COL19A1: variants seen among roughly 807,000 people sequenced by gnomAD.
COL19A1 encodes the protein collagen type XIX alpha 1 chain, also known as collagen alpha-1(XIX) chain.
A neutral mutation model predicts 190.2 loss-of-function variants in COL19A1; 159 were observed. The ratio of observed to expected loss-of-function variants is 0.84; its 90% CI spans 0.73 to 0.95. COL19A1 has a LOEUF of 0.95. Ranked by LOEUF, COL19A1 falls within the 40% of genes least tolerant of loss-of-function variation. The pLI is 0.00. For missense variants in COL19A1, 1,418 were observed against 1,431.9 expected (o/e 0.99, Z 0.16); for synonymous variants, 509 against 458.9 (o/e 1.11, Z -1.39).
rs575743834 is a variant in COL19A1, at chr6:70,041,928, T to A, written c.1170+5989T>A. Among the ~76,000 whole-genome samples, 8 of 151,652 alleles carry A rather than the reference T, an allele frequency of 5.3e-5. No homozygotes were observed. In the East Asian group the frequency reaches 1.2e-3, roughly 22 times the overall value. On this transcript the variant is annotated intron_variant, in intron 14 of 50. Coordinates refer to ENST00000620364, the MANE Select transcript of COL19A1 (RefSeq NM_001858.6). ...TAAAAGTAAAAAAAAAATAGCCGGATTTGGTGATGGATGCCTGTAATCCCA... is the reference window on the plus strand; with the variant it reads ...TAAAAGTAAAAAAAAAATAGCCGGAATTGGTGATGGATGCCTGTAATCCCA...
intron 12 of COL19A1, among the ~76,000 whole-genome samples, chr6:70,024,385 TC>T (rs1427193343): frequency 6.6e-6 from 1 of 152,196 alleles, no homozygotes; most frequent in Non-Finnish European, 1.5e-5. Flanking sequence ...TCCCTCGGCT[TC>T]CTTTTCTCAC....
intron 1 of COL19A1, among the ~76,000 whole-genome samples, chr6:69,876,069 G>A (rs919608000): frequency 9.2e-5 from 14 of 152,028 alleles, no homozygotes; most frequent in Non-Finnish European, 1.8e-4. Flanking sequence ...AAGAATTGTC[G>A]GCTATTGGAG....
intron 16 of COL19A1, among the ~76,000 whole-genome samples, chr6:70,111,364 G>A (rs1784276878): frequency 6.6e-6 from 1 of 152,082 alleles, no homozygotes; most frequent in African/African-American, 2.4e-5. Flanking sequence ...CTAAAACATG[G>A]AAGAAAAGTT....
chr6:70,197,730 G>A (rs1453059707), intron 48 of COL19A1, among the ~76,000 whole-genome samples: 1 of 152,118 alleles, frequency 6.6e-6, no homozygotes, highest in Admixed American at 6.5e-5. Context: ...TCACTCCTTG[G>A]GACCAGCATC....
At chr6:70,023,366 C>A (rs911556188) in intron 11 of COL19A1, among the ~76,000 whole-genome samples, 1 of 152,014 alleles carries the variant, frequency 6.6e-6, no homozygotes, top group African/African-American at 2.4e-5. Context: ...GAAATCCTGA[C>A]CTCAACTGAT....
intron 11 of COL19A1, among the ~76,000 whole-genome samples, chr6:69,984,837 G>A (rs1330338566): frequency 6.6e-6 from 1 of 152,100 alleles, no homozygotes; most frequent in Non-Finnish European, 1.5e-5. Flanking sequence ...TTCTATCATT[G>A]AGTGTTTGAA....
At chr6:70,117,117 A>G (rs1391021128) in intron 16 of COL19A1, among the ~76,000 whole-genome samples, 1 of 152,222 alleles carries the variant, frequency 6.6e-6, no homozygotes. Flanking sequence ...AAGGAGCCAC[A>G]GAGCTCCTGA....
At chr6:70,158,908 C>T (rs1382662794) in intron 34 of COL19A1, among the ~76,000 whole-genome samples, 1 of 152,068 alleles carries the variant, frequency 6.6e-6, no homozygotes, top group Non-Finnish European at 1.5e-5. Flanking sequence ...TAATGATCAT[C>T]TTGTCTTCTA....
rs375089495 is a variant in COL19A1, at chr6:69,872,600, G to A, written c.-33+5960G>A. ...TTAAGAAAGTTGAAGGGACAATGGC[G>A]TTTTAAAATTCACTTACCCAGCTGG... On this transcript the variant is annotated intron_variant, in intron 1 of 50. Transcript: ENST00000620364. Among the ~76,000 whole-genome samples the A allele has an allele frequency of 5.3e-5, 8 of 152,194 alleles. No homozygotes were observed. The South Asian group carries it at 6.2e-4, about 12-fold the overall frequency.
At chr6:69,968,042 T>A (rs890207026) in intron 11 of COL19A1, among the ~76,000 whole-genome samples, 8 of 152,200 alleles carry the variant, frequency 5.3e-5, no homozygotes, top group African/African-American at 1.9e-4. Flanking sequence ...ATCAGCTAAT[T>A]TTCAGATGAC....
intron 16 of COL19A1, among the ~76,000 whole-genome samples, chr6:70,108,747 T>C (rs1784114271): frequency 6.6e-6 from 1 of 152,128 alleles, no homozygotes; most frequent in Non-Finnish European, 1.5e-5. Flanking sequence ...CATTAATTTT[T>C]GGGAGCTTAC....
At chr6:70,137,971 G>A (rs1231327224) in intron 19 of COL19A1, among the ~76,000 whole-genome samples, 1 of 152,130 alleles carries the variant, frequency 6.6e-6, no homozygotes, top group Non-Finnish European at 1.5e-5. Context: ...ATTATCACCT[G>A]CATACTTCAA....
chr6:69,921,240 CAT>C (rs796849134), intron 4 of COL19A1, among the ~76,000 whole-genome samples: 37 of 128,070 alleles, frequency 2.9e-4, no homozygotes, highest in South Asian at 1.9e-3. Context: ...ATTATATATC[CAT>C]ATATGTCATA....
At chr6:69,896,533 G>A (rs1582317528) in intron 2 of COL19A1, among the ~76,000 whole-genome samples, 1 of 95,452 alleles carries the variant, frequency 1.0e-5, no homozygotes, top group Admixed American at 1.6e-4. Flanking sequence ...GACAGAGCGA[G>A]ACTCCGTCTC....
intron 11 of COL19A1, among the ~76,000 whole-genome samples, chr6:70,009,984 A>C (rs9346368): frequency 0.11 from 15,989 of 152,120 alleles, 983 homozygotes; most frequent in East Asian, 0.29. Flanking sequence ...CCAAAACTGT[A>C]AATTTTTTAG....
chr6:69,948,118 C>CT (rs1189764577), intron 9 of COL19A1, among the ~76,000 whole-genome samples: 28 of 151,948 alleles, frequency 1.8e-4, no homozygotes, highest in African/African-American at 6.7e-4. Flanking sequence ...TTCTACCAAT[C>CT]TTTTTCTAAA....
chr6:70,093,073 G>A (rs1186268221), intron 15 of COL19A1, among the ~76,000 whole-genome samples: 4 of 152,104 alleles, frequency 2.6e-5, no homozygotes, highest in Admixed American at 1.3e-4. Flanking sequence ...AAACATAACA[G>A]TTCCCATAAT....
chr6:70,109,150 G>A (rs1408130889), intron 16 of COL19A1, among the ~76,000 whole-genome samples: 2 of 152,048 alleles, frequency 1.3e-5, no homozygotes, highest in East Asian at 1.9e-4. Flanking sequence ...AAACAATTTC[G>A]GTTTAGAGTG....
At chr6:69,899,977 C>G (rs1187986022) in intron 3 of COL19A1, among the ~76,000 whole-genome samples, 1 of 151,970 alleles carries the variant, frequency 6.6e-6, no homozygotes, top group Non-Finnish European at 1.5e-5. Context: ...ATTCCTAGGT[C>G]AAAGGAAATT....
Sources: allele counts gnomAD v4.1 joint callset (sites outside exome capture counted in the v4.1 genomes callset), GRCh38; gene constraint gnomAD v4.1.1; transcripts MANE v1.5; gene names NCBI Gene and HGNC (gene_info 2026-07-23, HGNC 2026-07-21).